The following LMO7 variants were observed in gnomAD, a reference collection of about 807,000 sequenced individuals.
LMO7 encodes LIM domain only protein 7.
A neutral mutation model predicts 206.5 loss-of-function variants in LMO7; 120 were observed. That is an observed-to-expected ratio of 0.58 (90% CI 0.50 to 0.68). The LOEUF is 0.68. Ranked by LOEUF, LMO7 falls within the 30% of genes least tolerant of loss-of-function variation. LMO7 has a pLI of 0.00. For missense variants in LMO7, 1,959 were observed against 1,957.9 expected (o/e 1.00, Z -0.01); for synonymous variants, 706 against 681.5 (o/e 1.04, Z -0.56).
intron 4 of LMO7, among the ~76,000 whole-genome samples, chr13:75,794,546 C>T (rs911321775): frequency 6.6e-6 from 1 of 152,014 alleles, no homozygotes; most frequent in African/African-American, 2.4e-5. Context: ...TATATTTTAT[C>T]TTAAAGTATA....
At chr13:75,753,699 C>T (rs1474586707) in intron 3 of LMO7, among the ~76,000 whole-genome samples, 1 of 152,158 alleles carries the variant, frequency 6.6e-6, no homozygotes, top group Non-Finnish European at 1.5e-5. Context: ...CTCCTTCCTT[C>T]TGCCATGTGA....
Position 75,654,752 on chromosome 13 carries a change from G to A in LMO7, c.69+18026G>A, listed in dbSNP as rs114475473. On this transcript the variant is annotated intron_variant, in intron 1 of 30. Transcript: ENST00000377534. ...TCATTACCTAGGATCTTGGTCTATC[G>A]TTTTTTCTCCTCTTCATCTTCTATC... 9.6e-3 allele frequency among the ~76,000 whole-genome samples: 1,451 copies of A among 151,888 alleles called. 28 individuals are homozygous for A. Among genetic ancestry groups the A allele is most frequent in the African/African-American group, 0.033 (1,362 of 41,442 alleles).
chr13:75,753,567 A>G (rs1335952758), intron 3 of LMO7, among the ~76,000 whole-genome samples: 1 of 152,076 alleles, frequency 6.6e-6, no homozygotes, highest in African/African-American at 2.4e-5. Context: ...CGTGGGAAGG[A>G]CCTGGTGGGA....
At chr13:75,746,368 T>C (rs2046837143) in intron 3 of LMO7, among the ~76,000 whole-genome samples, 2 of 152,116 alleles carry the variant, frequency 1.3e-5, no homozygotes, top group Non-Finnish European at 2.9e-5. Context: ...TATTAAGAAA[T>C]GGGGTGATCA....
intron 2 of LMO7, among the ~76,000 whole-genome samples, chr13:75,719,020 C>T (rs1286017260): frequency 6.6e-6 from 1 of 151,318 alleles, no homozygotes; most frequent in Non-Finnish European, 1.5e-5. Context: ...ACTCTTGTCC[C>T]CCAGGCTGGA....
intron 2 of LMO7, among the ~76,000 whole-genome samples, chr13:75,629,069 A>G (rs1308398603): frequency 6.6e-6 from 1 of 152,206 alleles, no homozygotes; most frequent in African/African-American, 2.4e-5. Flanking sequence ...GCTGGCTTCT[A>G]GTGGGTAGGG....
rs1362086305 is a variant in LMO7, at chr13:75,849,143, A to G, written c.4215A>G (p.Glu1405=). ...CTTCACAGAGGAGATCCAAGAAAGA[A>G]CAAGTACCATCAGGAGCAGAATTGG... ...MTSSQRRSKK[E]QVPSGAELER... The change falls in exon 27 of 31, where the codon GAA becomes GAG. Residue 1405 remains glutamate (E), a synonymous_variant. Coordinates refer to ENST00000377534, the MANE Select transcript of LMO7 (RefSeq NM_001306080.2). The G allele has an allele frequency of 1.2e-6, 2 of 1,613,678 alleles. No homozygotes were observed. The highest frequency in any genetic ancestry group is 1.7e-6 in the Non-Finnish European group (2 of 1,179,552).
At chr13:75,785,379 T>C (rs1290914833) in intron 4 of LMO7, among the ~76,000 whole-genome samples, 1 of 152,182 alleles carries the variant, frequency 6.6e-6, no homozygotes, top group Non-Finnish European at 1.5e-5. Flanking sequence ...AGTTTCCTAA[T>C]GTCAAAATCA....
At chr13:75,652,208 C>T (rs188132308) in intron 1 of LMO7, among the ~76,000 whole-genome samples, 4 of 151,750 alleles carry the variant, frequency 2.6e-5, no homozygotes, top group Admixed American at 2.6e-4. Context: ...GCTTCGGTCT[C>T]TTTTAAGTTG....
intron 1 of LMO7, among the ~76,000 whole-genome samples, chr13:75,638,973 G>T (rs569415073): frequency 6.6e-6 from 1 of 152,092 alleles, no homozygotes; most frequent in South Asian, 2.1e-4. Context: ...GTTTTTAAGT[G>T]TATATATTGT....
In LMO7 at chr13:75,736,369, G is replaced by T. The variant is rs188621863; in HGVS notation, c.210+9271G>T. ...CTTCTGATGCCTGTTTGTCAGGATG[G>T]TTATATTAAAACTTTTCAAAGCCTT... On this transcript the variant is annotated intron_variant, in intron 3 of 30. Coordinates refer to ENST00000377534, the MANE Select transcript of LMO7 (RefSeq NM_001306080.2). Among the ~76,000 whole-genome samples, 29 of 152,330 alleles carry T rather than the reference G, an allele frequency of 1.9e-4. No homozygotes were observed. In the East Asian group the frequency reaches 4.8e-3, roughly 25 times the overall value.
intron 3 of LMO7, 132 bp from the exon 4 acceptor site, chr13:75,760,800 C>T: frequency 6.5e-7 from 1 of 1,546,064 alleles, no homozygotes; most frequent in African/African-American, 1.4e-5. Flanking sequence ...TATACATATG[C>T]ATGGGTCTTG....
At chr13:75,735,430 G>A (rs1192197263) in intron 3 of LMO7, among the ~76,000 whole-genome samples, 1 of 151,906 alleles carries the variant, frequency 6.6e-6, no homozygotes. Flanking sequence ...TGTTATTTAA[G>A]GAATAAAATG....
intron 3 of LMO7, among the ~76,000 whole-genome samples, chr13:75,759,156 GAACAGCA>G (rs2047936217): frequency 6.6e-6 from 1 of 152,086 alleles, no homozygotes; most frequent in Admixed American, 6.5e-5. Context: ...ACTATCACGA[GAACAGCA>G]TGGGGGAAAC....
rs1219265480 is a variant in LMO7 at position 75,800,741 on chromosome 13, A to T, written c.520A>T (p.Ile174Phe). 2.5e-6 allele frequency: 4 copies of T among 1,614,084 alleles called. No individual in the cohort carries two copies. The African/African-American group carries it at 4.0e-5, about 16-fold the overall frequency. ...RSGRDSGYGDIWCPERGEFLA... is the reference protein window; with the variant it reads ...RSGRDSGYGDFWCPERGEFLA... ...TGGCAGGGACAGTGGCTACGGTGAC[A>T]TCTGGTGTCCTGAACGTGGAGAATT... is the stretch of plus-strand genomic sequence containing the variant. Residue 174 changes from isoleucine (I) to phenylalanine (F), a missense_variant, in exon 7 of 31, where the codon ATC becomes TTC. By Grantham distance (21) the Ile-to-Phe change is conservative (BLOSUM62 0). Coordinates refer to ENST00000377534, the MANE Select transcript of LMO7 (RefSeq NM_001306080.2).
intron 1 of LMO7, among the ~76,000 whole-genome samples, chr13:75,686,081 G>A (rs936824824): frequency 1.3e-5 from 2 of 151,858 alleles, no homozygotes; most frequent in Non-Finnish European, 2.9e-5. Flanking sequence ...GTCTCACCAT[G>A]TTGTCCAGGG....
At chr13:75,784,894 A>G (rs1456292721) in intron 4 of LMO7, among the ~76,000 whole-genome samples, 1 of 152,166 alleles carries the variant, frequency 6.6e-6, no homozygotes, top group Non-Finnish European at 1.5e-5. Context: ...ACTTATAAGG[A>G]CCCAGCAGTG....
At chr13:75,763,739 C>T (rs981075740) in intron 4 of LMO7, among the ~76,000 whole-genome samples, 5 of 152,078 alleles carry the variant, frequency 3.3e-5, no homozygotes, top group African/African-American at 1.2e-4. Context: ...AGTCGATATC[C>T]TCTGTGCTGG....
chr13:75,843,690 T>C (rs1269452057), intron 25 of LMO7, among the ~76,000 whole-genome samples: 1 of 152,226 alleles, frequency 6.6e-6, no homozygotes, highest in Admixed American at 6.5e-5. Context: ...TCCTAAAACA[T>C]TGTTTTAATG....
Sources: gnomAD v4.1 joint callset for allele counts (sites outside exome capture counted in the v4.1 genomes callset) on GRCh38, gnomAD v4.1.1 for gene constraint, MANE v1.5 for transcripts, NCBI Gene and HGNC (gene_info 2026-07-23, HGNC 2026-07-21) for gene names.